The following RARB variants were observed in gnomAD, a reference collection of about 807,000 sequenced individuals.
The protein encoded by RARB is HBV-activated protein.
In RARB, 17 loss-of-function variants were observed where a neutral mutation model predicts 51.9. The observed-to-expected ratio is 0.33, with a 90% CI of 0.22 to 0.49. The LOEUF (loss-of-function observed/expected upper bound fraction) is 0.49, where lower values mean the gene tolerates loss of function less well. RARB is among the 20% of genes least tolerant of loss of function. The pLI is 0.99. For missense variants in RARB, 369 were observed against 550.8 expected, an observed-to-expected ratio of 0.67 and a Z score of 3.30; for synonymous variants, 215 against 195.4, an observed-to-expected ratio of 1.10 and a Z score of -0.84.
chr3:25,334,622 T>C (rs1705009489), intron 5 of RARB, among the ~76,000 whole-genome samples: 1 of 152,150 alleles, frequency 6.6e-6, no homozygotes, highest in South Asian at 2.1e-4. Context: ...GGCACATGTA[T>C]ACATATGTAA....
At chr3:24,873,975 C>A (rs758746660) in intron 2 of RARB, among the ~76,000 whole-genome samples, 15 of 151,890 alleles carry the variant, frequency 9.9e-5, no homozygotes, top group Non-Finnish European at 1.8e-4. Context: ...AGCAAGGCAA[C>A]AAAATACTGA....
chr3:25,154,109 C>A (rs1169770577), intron 4 of RARB, among the ~76,000 whole-genome samples: 1 of 152,136 alleles, frequency 6.6e-6, no homozygotes, highest in African/African-American at 2.4e-5. Context: ...TTTAAGAAGC[C>A]AGCTATGTTG....
intron 2 of RARB, among the ~76,000 whole-genome samples, chr3:24,976,837 T>C (rs1266518408): frequency 6.6e-6 from 1 of 152,224 alleles, no homozygotes; most frequent in Non-Finnish European, 1.5e-5. Context: ...TCCTTGCCCA[T>C]GCCTATGTCC....
intron 2 of RARB, among the ~76,000 whole-genome samples, chr3:25,032,793 C>T (rs1358274689): frequency 6.6e-6 from 1 of 152,112 alleles, no homozygotes; most frequent in Non-Finnish European, 1.5e-5. Context: ...AACTTGCCTT[C>T]TAAGAATTTA....
At chr3:25,131,779 A>G (rs1474257131) in intron 3 of RARB, among the ~76,000 whole-genome samples, 1 of 151,948 alleles carries the variant, frequency 6.6e-6, no homozygotes, top group Non-Finnish European at 1.5e-5. Flanking sequence ...TTGTGCCAAG[A>G]TTGATAGTTC....
At chr3:24,915,322 C>A (rs1456244846) in intron 2 of RARB, among the ~76,000 whole-genome samples, 1 of 152,122 alleles carries the variant, frequency 6.6e-6, no homozygotes, top group Non-Finnish European at 1.5e-5. Context: ...AATTTAACTT[C>A]ATATATTTGA....
chr3:25,295,192 G>A (rs775700475), intron 5 of RARB, among the ~76,000 whole-genome samples: 31 of 152,134 alleles, frequency 2.0e-4, no homozygotes, highest in Non-Finnish European at 3.8e-4. Flanking sequence ...TGACTGTTGG[G>A]CATTTTAACT....
At chr3:25,150,586 T>A (rs1179619719) in intron 4 of RARB, among the ~76,000 whole-genome samples, 1 of 152,188 alleles carries the variant, frequency 6.6e-6, no homozygotes. Flanking sequence ...TCCTCCACCC[T>A]TTTAAGAAAT....
chr3:24,900,541 G>A (rs535140230), intron 2 of RARB, among the ~76,000 whole-genome samples: 14 of 152,306 alleles, frequency 9.2e-5, no homozygotes, highest in African/African-American at 2.6e-4. Context: ...CTCTCTTGTC[G>A]TTTGGTTCAA....
At chr3:24,834,801 A>G (rs1702321373) in intron 1 of RARB, among the ~76,000 whole-genome samples, 1 of 152,198 alleles carries the variant, frequency 6.6e-6, no homozygotes, top group Non-Finnish European at 1.5e-5. Context: ...TTGTAAGCCC[A>G]CTTTATATTC....
intron 3 of RARB, among the ~76,000 whole-genome samples, chr3:25,106,435 C>G (rs1164946470): frequency 6.8e-5 from 10 of 146,030 alleles, no homozygotes; most frequent in Admixed American, 6.2e-4. Context: ...ACCACCATGC[C>G]CAGCTACTGT....
chr3:25,084,125 A>G (rs1014494313), intron 3 of RARB, among the ~76,000 whole-genome samples: 1 of 152,106 alleles, frequency 6.6e-6, no homozygotes, highest in Non-Finnish European at 1.5e-5. Context: ...CTTCTTCCCT[A>G]TTTGGTACCC....
At chr3:25,191,973 T>C (rs1195656756) in intron 5 of RARB, among the ~76,000 whole-genome samples, 1 of 152,038 alleles carries the variant, frequency 6.6e-6, no homozygotes, top group African/African-American at 2.4e-5. Flanking sequence ...AGACAGTGAG[T>C]GTTGACATAA....
At chr3:25,003,461 C>G (rs949235890) in intron 2 of RARB, among the ~76,000 whole-genome samples, 1 of 152,054 alleles carries the variant, frequency 6.6e-6, no homozygotes, top group Non-Finnish European at 1.5e-5. Context: ...CTACTTTTGT[C>G]AGATATATCT....
chr3:25,255,181 C>T (rs9819453), intron 5 of RARB, among the ~76,000 whole-genome samples: 156 of 152,106 alleles, frequency 1.0e-3, no homozygotes, highest in African/African-American at 3.6e-3. Flanking sequence ...GCAGTCTTCC[C>T]CCACCTTCAC....
chr3:25,154,157 T>A (rs1700337858), intron 4 of RARB, among the ~76,000 whole-genome samples: 1 of 152,240 alleles, frequency 6.6e-6, no homozygotes, highest in Admixed American at 6.5e-5. Context: ...ATTTTTCCTT[T>A]TATTCTATAT....
chr3:24,942,962 A>G (rs1410106290), intron 2 of RARB, among the ~76,000 whole-genome samples: 1 of 152,194 alleles, frequency 6.6e-6, no homozygotes, highest in Non-Finnish European at 1.5e-5. Flanking sequence ...TGGGCTATCT[A>G]AAGTTTTGGA....
At chr3:25,080,934 T>G (rs1009104134) in intron 3 of RARB, among the ~76,000 whole-genome samples, 3 of 152,116 alleles carry the variant, frequency 2.0e-5, no homozygotes, top group African/African-American at 7.2e-5. Flanking sequence ...GTTATTAATT[T>G]TTAAAAAACT....
At chr3:24,903,857 T>C (rs1309360085) in intron 2 of RARB, among the ~76,000 whole-genome samples, 1 of 152,192 alleles carries the variant, frequency 6.6e-6, no homozygotes, top group Non-Finnish European at 1.5e-5. Context: ...AAAACTTCAT[T>C]GCTATAACAT....
Sources: allele counts gnomAD v4.1 joint callset (sites outside exome capture counted in the v4.1 genomes callset), GRCh38; gene constraint gnomAD v4.1.1; transcripts MANE v1.5; gene names NCBI Gene and HGNC (gene_info 2026-07-23, HGNC 2026-07-21).